COL27A1: variants seen among roughly 807,000 people sequenced by gnomAD.
The protein encoded by COL27A1 is collagen alpha-1(XXVII) chain.
A neutral mutation model predicts 251.3 loss-of-function variants in COL27A1; 106 were observed. That is an observed-to-expected ratio of 0.42 (90% CI 0.36 to 0.50). The LOEUF is 0.50. Ranked by LOEUF, COL27A1 falls within the 20% of genes least tolerant of loss-of-function variation. The probability of loss-of-function intolerance (pLI) is 0.00; values close to 1 mark genes in which losing one functional copy is unlikely to be tolerated. For synonymous variants in COL27A1, 1,000 were observed against 986.3 expected (o/e 1.01, Z -0.26); for missense variants, 2,325 against 2,522.8 (o/e 0.92, Z 1.68).
At chr9:114,288,630 G>T in intron 42 of COL27A1, 72 bp from the exon 43 acceptor site, 2 of 1,567,562 alleles carry the variant, frequency 1.3e-6, no homozygotes, top group Admixed American at 1.8e-5. Flanking sequence ...CAGAGGTCGC[G>T]GCCAACAGGG....
At chr9:114,278,762 G>A (rs1031645210) in intron 37 of COL27A1, among the ~76,000 whole-genome samples, 2 of 151,938 alleles carry the variant, frequency 1.3e-5, no homozygotes, top group African/African-American at 4.8e-5. Context: ...ACTTGGGCCA[G>A]ACGAAGTGTG....
At chr9:114,230,981 A>G (rs1588711783) in intron 14 of COL27A1, 98 bp from the exon 15 acceptor site, 1 of 945,344 alleles carries the variant, frequency 1.1e-6, no homozygotes, top group East Asian at 2.5e-5. Flanking sequence ...CGTCTTTGGA[A>G]GCCCAGGCCC....
chr9:114,192,189 C>T (rs1332274803), intron 5 of COL27A1, among the ~76,000 whole-genome samples: 2 of 152,300 alleles, frequency 1.3e-5, no homozygotes, highest in Non-Finnish European at 2.9e-5. Flanking sequence ...GTCTCAGTTT[C>T]CTTTTTTTGT....
At chr9:114,289,181 G>C in intron 44 of COL27A1, 61 bp from the exon 45 acceptor site, 1 of 1,282,794 alleles carries the variant, frequency 7.8e-7, no homozygotes, top group East Asian at 2.5e-5. Flanking sequence ...GGCGGAGACT[G>C]GCCACCCTCC....
chr9:114,288,357 A>G (rs549609046), intron 41 of COL27A1, 98 bp from the exon 42 acceptor site: 1 of 1,243,756 alleles, frequency 8.0e-7, no homozygotes, highest in Non-Finnish European at 1.2e-6. Context: ...AACCCTAAGC[A>G]GGCTAGAATT....
chr9:114,255,732 G>A (rs1171978417), intron 27 of COL27A1, among the ~76,000 whole-genome samples: 1 of 152,140 alleles, frequency 6.6e-6, no homozygotes, highest in East Asian at 1.9e-4. Flanking sequence ...CCACTGCTAC[G>A]GTACAGGGCT....
intron 27 of COL27A1, among the ~76,000 whole-genome samples, chr9:114,253,149 A>G (rs1171234309): frequency 6.6e-6 from 1 of 152,128 alleles, no homozygotes; most frequent in Admixed American, 6.6e-5. Context: ...AATCCCAGAT[A>G]CTCAGTAGGC....
intron 28 of COL27A1, among the ~76,000 whole-genome samples, chr9:114,262,763 C>T (rs575750036): frequency 2.6e-4 from 39 of 152,344 alleles, no homozygotes; most frequent in Non-Finnish European, 4.6e-4. Flanking sequence ...CTGAGGACAG[C>T]GTCTCCCAGC....
chr9:114,264,551 C>A, intron 29 of COL27A1, 143 bp downstream of exon 29: 1 of 614,644 alleles, frequency 1.6e-6, no homozygotes, highest in African/African-American at 1.9e-5. Context: ...TTTCTGAGAG[C>A]TTAGCCCTTC....
chr9:114,305,393 G>T (rs556220445), intron 57 of COL27A1, among the ~76,000 whole-genome samples: 3 of 152,296 alleles, frequency 2.0e-5, no homozygotes, highest in South Asian at 4.1e-4. Flanking sequence ...ATCCAGTGCG[G>T]CTGGAGAAGG....
chr9:114,289,357 A>G (rs1372545568), intron 45 of COL27A1, 62 bp downstream of exon 45: 22 of 1,473,454 alleles, frequency 1.5e-5, no homozygotes, highest in Non-Finnish European at 1.9e-5. Flanking sequence ...CCTGACCCAC[A>G]GTCACACAGC....
intron 17 of COL27A1, among the ~76,000 whole-genome samples, chr9:114,236,176 T>C (rs1292710180): frequency 6.6e-6 from 1 of 152,086 alleles, no homozygotes; most frequent in Non-Finnish European, 1.5e-5. Context: ...AGAGCCCTTT[T>C]TCCCCACCTG....
At chr9:114,161,060 A>G (rs1185692410) in intron 1 of COL27A1, among the ~76,000 whole-genome samples, 1 of 152,208 alleles carries the variant, frequency 6.6e-6, no homozygotes, top group African/African-American at 2.4e-5. Flanking sequence ...GCCTCAAGGA[A>G]GAGCAGTACT....
intron 1 of COL27A1, among the ~76,000 whole-genome samples, chr9:114,159,941 C>T (rs1010851284): frequency 5.9e-5 from 9 of 152,352 alleles, no homozygotes; most frequent in South Asian, 4.1e-4. Flanking sequence ...TGGCCCTGCC[C>T]TTCTCCCCAG....
At chr9:114,204,519 A>C (rs1239605843) in intron 7 of COL27A1, among the ~76,000 whole-genome samples, 3 of 152,172 alleles carry the variant, frequency 2.0e-5, no homozygotes, top group Non-Finnish European at 4.4e-5. Flanking sequence ...AGTCCTTCTC[A>C]TCAGTATCTG....
At chr9:114,214,477 CTT>C (rs1043044662) in intron 12 of COL27A1, among the ~76,000 whole-genome samples, 8 of 152,302 alleles carry the variant, frequency 5.3e-5, no homozygotes, top group Middle Eastern at 3.4e-3. Flanking sequence ...GTGTCAGAGT[CTT>C]TTACTAACGG....
chr9:114,233,545 C>G (rs1832114094), intron 16 of COL27A1, among the ~76,000 whole-genome samples: 1 of 152,168 alleles, frequency 6.6e-6, no homozygotes, highest in Non-Finnish European at 1.5e-5. Context: ...CTGTTTATCC[C>G]AAGGTTTGAG....
Position 114,250,552 on chromosome 9 carries a change from A to T in COL27A1, c.2980-63A>T. 2.0e-6 allele frequency: 3 copies of T among 1,470,588 alleles called. No individual in the cohort carries two copies. In the South Asian group the frequency reaches 3.4e-5, roughly 17 times the overall value. The allele number at this position is 1,470,588 out of a possible 1,614,324, so 91.1% of individuals were successfully genotyped here. On this transcript the variant is annotated intron_variant, in intron 24 of 60. Transcript: ENST00000356083. ...CTGGGAGATGAGCTTCAGGGGAAGG[A>T]GCGGGAGGGCTGGGTCCCCGGATTC...
At position 114,168,257 on chromosome 9, in the gene COL27A1, G is replaced by A. The variant is rs546860616; in HGVS notation, c.702G>A (p.Lys234=). The change falls in exon 3 of 61, where the codon AAG becomes AAA. Residue 234 remains lysine, a synonymous_variant. Coordinates refer to ENST00000356083, the MANE Select transcript of COL27A1 (RefSeq NM_032888.4). ...VAHNYCTHLR[K]QCGQADTYQS... ...ACAATTACTGTACCCACCTGAGGAAGCAGTGTGGACAGGCTGACACGTACC... is the reference window on the plus strand; with the variant it reads ...ACAATTACTGTACCCACCTGAGGAAACAGTGTGGACAGGCTGACACGTACC... 2.3e-5 allele frequency: 37 copies of A among 1,613,946 alleles called. 1 individual carries two copies. The South Asian group carries it at 2.7e-4, about 12-fold the overall frequency.
Sources: allele counts gnomAD v4.1 joint callset (sites outside exome capture counted in the v4.1 genomes callset), GRCh38; gene constraint gnomAD v4.1.1; transcripts MANE v1.5; gene names NCBI Gene and HGNC (gene_info 2026-07-23, HGNC 2026-07-21).